ODF2L: variants seen among roughly 807,000 people sequenced by gnomAD.
ODF2L encodes the protein outer dense fiber of sperm tails 2 like.
ODF2L carries 76 observed loss-of-function variants against 86.3 expected under a neutral mutation model. That is an observed-to-expected ratio of 0.88 (90% CI 0.73 to 1.07). The LOEUF (loss-of-function observed/expected upper bound fraction) is 1.07. ODF2L is among the 50% of genes least tolerant of loss of function. The pLI, the probability that ODF2L is intolerant of heterozygous loss-of-function variation, is 0.00. For synonymous variants in ODF2L, 241 were observed against 231.3 expected (o/e 1.04, Z -0.38); for missense variants, 748 against 717.4 (o/e 1.04, Z -0.49).
intron 9 of ODF2L, among the ~76,000 whole-genome samples, chr1:86,371,930 G>A (rs984849494): frequency 4.6e-5 from 7 of 152,246 alleles, no homozygotes; most frequent in African/African-American, 1.7e-4. Flanking sequence ...GCTCACGCCT[G>A]TAATCCCAGC....
chr1:86,362,802 G>C (rs185183298), intron 11 of ODF2L, among the ~76,000 whole-genome samples: 631 of 152,256 alleles, frequency 4.1e-3, no homozygotes, highest in Non-Finnish European at 6.9e-3. Flanking sequence ...TGGGATTACA[G>C]GTGCCCGCCA....
chr1:86,380,081 G>A (rs530787596), intron 7 of ODF2L, among the ~76,000 whole-genome samples: 1 of 152,232 alleles, frequency 6.6e-6, no homozygotes, highest in South Asian at 2.1e-4. Context: ...GTGTAATACT[G>A]AAATGAATGT....
chr1:86,368,554 A>C, intron 11 of ODF2L: 5 of 1,221,164 alleles, frequency 4.1e-6, no homozygotes, highest in Non-Finnish European at 5.2e-6. Flanking sequence ...CCAAATTAGC[A>C]AACACTACAA....
chr1:86,354,757 A>C lies in ODF2L; in HGVS notation c.1604+17T>G. 1 of 1,555,792 alleles carries C rather than the reference A, an allele frequency of 6.4e-7. No individual in the cohort carries two copies. The highest frequency in any genetic ancestry group is 8.9e-7 in the Non-Finnish European group (1 of 1,129,368). On this transcript the variant is annotated intron_variant, in intron 15 of 17. Transcript: ENST00000317336. ...AGAGAAATATGCAGCAGCAATGTTA[A>C]GTAATTTAATACTTACTGTTGAAGG...
At chr1:86,381,856 T>C (rs1262316359) in intron 7 of ODF2L, 1 of 153,134 alleles carries the variant, frequency 6.5e-6, no homozygotes, top group Non-Finnish European at 1.5e-5. Context: ...TGAAAGTATG[T>C]ATGTATATAT....
intron 10 of ODF2L, among the ~76,000 whole-genome samples, chr1:86,370,045 T>C (rs1029053203): frequency 6.6e-6 from 1 of 151,980 alleles, no homozygotes; most frequent in African/African-American, 2.4e-5. Context: ...AATGCATAAT[T>C]CTAAACAGCC....
chr1:86,352,767 C>A (rs1658235477), intron 17 of ODF2L, 92 bp downstream of exon 16: 1 of 753,740 alleles, frequency 1.3e-6, no homozygotes, highest in Non-Finnish European at 2.1e-6. Context: ...ATCAGTAAAA[C>A]AATAGACTTG....
intron 3 of ODF2L, 102 bp from the exon 4 acceptor site, chr1:86,384,903 C>A: frequency 3.4e-6 from 3 of 891,144 alleles, no homozygotes; most frequent in Non-Finnish European, 4.6e-6. Flanking sequence ...TAAACAAAAT[C>A]ATTCTTTTGT....
At chr1:86,348,889 A>G, downstream of ODF2L, 1 of 1,551,776 alleles carries the variant, frequency 6.4e-7, no homozygotes, top group Non-Finnish European at 8.6e-7. Context: ...CTAAAGAAAA[A>G]AGGAAAAAAA....
chr1:86,373,110 A>G (rs769442991), intron 8 of ODF2L, among the ~76,000 whole-genome samples: 1 of 152,184 alleles, frequency 6.6e-6, no homozygotes, highest in Non-Finnish European at 1.5e-5. Flanking sequence ...CCTAAAAACT[A>G]TTGAAATAAA....
At chr1:86,393,384 GA>G (rs71741271) in intron 1 of ODF2L, among the ~76,000 whole-genome samples, 48,739 of 140,260 alleles carry the variant, frequency 0.35, 8,235 homozygotes, top group Non-Finnish European at 0.39. Context: ...GTAATTGTAT[GA>G]AAAAAAAAAA....
At chr1:86,351,849 T>C (rs1258176114) in exon 18 of ODF2L, 3 of 1,004,622 alleles carry the variant, frequency 3.0e-6, no homozygotes, top group Non-Finnish European at 1.2e-6. Context: ...ATTCTCTTTG[T>C]GGCAATTGTG....
intron 7 of ODF2L, among the ~76,000 whole-genome samples, chr1:86,379,556 A>G (rs1232103123): frequency 6.6e-6 from 1 of 152,206 alleles, no homozygotes; most frequent in East Asian, 1.9e-4. Flanking sequence ...AGGAATTGGT[A>G]GCTCCCCAAA....
In ODF2L at chr1:86,394,531, T is replaced by C. The variant is rs144469432; in HGVS notation, c.-60+1502A>G. 5.8e-3 allele frequency among the ~76,000 whole-genome samples: 881 copies of C among 152,192 alleles called. 4 individuals carry two copies. Among genetic ancestry groups the C allele is most frequent in the Non-Finnish European group, 9.9e-3 (673 of 68,018 alleles). ...TTAATACTCATAAGTTCAATTTAGATTCAAAAGATGAAAACTGTTCTGGAC... is the reference window on the plus strand; with the variant it reads ...TTAATACTCATAAGTTCAATTTAGACTCAAAAGATGAAAACTGTTCTGGAC... On this transcript the variant is annotated intron_variant, in intron 1 of 17. Transcript: ENST00000317336.
intron 7 of ODF2L, 76 bp downstream of exon 7, chr1:86,382,166 A>T (rs1453589891): frequency 1.4e-6 from 2 of 1,446,774 alleles, no homozygotes; most frequent in Admixed American, 5.3e-5. Flanking sequence ...CAAATTCTAG[A>T]ACTAAGGAAG....
exon 17 of ODF2L, chr1:86,352,880 T>C (rs151256981): frequency 1.6e-5 from 24 of 1,543,530 alleles, no homozygotes; most frequent in African/African-American, 8.3e-5. Context: ...TGCAAACAAG[T>C]TGATTTTGTT....
In ODF2L at chr1:86,376,222, C is replaced by A; in HGVS notation, c.810+11G>T. ...AGATCTTTTAATTTTAAAAAGAATG[C>A]ATTTACATACCTGATCTCTAATTTG... On this transcript the variant is annotated intron_variant, in intron 8 of 17. Transcript: ENST00000317336. 1 of 1,498,052 alleles carries A rather than the reference C, an allele frequency of 6.7e-7. No individual in the cohort carries two copies. The highest frequency in any genetic ancestry group is 9.2e-7 in the Non-Finnish European group (1 of 1,082,944). The allele number at this position is 1,498,052 out of a possible 1,614,324, so 92.8% of individuals were successfully genotyped here. A position where few individuals can be genotyped will look rare whatever the true frequency, so the allele number is the denominator to read the frequency against.
intron 1 of ODF2L, among the ~76,000 whole-genome samples, chr1:86,392,546 T>C (rs1430456935): frequency 6.6e-6 from 1 of 152,154 alleles, no homozygotes; most frequent in Non-Finnish European, 1.5e-5. Context: ...TTACTCTAAG[T>C]GAAGTAACTC....
chr1:86,371,004 C>T lies in ODF2L; in HGVS notation c.1056+14G>A. 1 of 1,538,134 alleles carries T rather than the reference C, an allele frequency of 6.5e-7. No homozygotes were observed. The highest frequency in any genetic ancestry group is 2.3e-5 in the East Asian group (1 of 43,796). ...TACACAATACATGCCTGCTCAAACA[C>T]TCATACATAGTACCTTTAATTTTGT... is the stretch of plus-strand genomic sequence containing the variant. On this transcript the variant is annotated intron_variant, in intron 10 of 17. Transcript: ENST00000317336.
Sources: gnomAD v4.1 joint callset for allele counts (sites outside exome capture counted in the v4.1 genomes callset) on GRCh38, gnomAD v4.1.1 for gene constraint, MANE v1.5 for transcripts, NCBI Gene and HGNC (gene_info 2026-07-23, HGNC 2026-07-21) for gene names.